Variants in FGF12 observed in about 807,000 individuals in gnomAD.
The protein encoded by FGF12 is fibroblast growth factor 12.
In FGF12, 14 loss-of-function variants were observed where a neutral mutation model predicts 23.6. The observed-to-expected ratio is 0.59, with a 90% confidence interval of 0.39 to 0.93. The LOEUF is 0.93. FGF12 is among the 40% of genes least tolerant of loss of function. The probability of loss-of-function intolerance (pLI) is 0.00; values close to 1 mark genes in which losing one functional copy is unlikely to be tolerated. For missense variants in FGF12, 175 were observed against 217.8 expected (o/e 0.80, Z 1.24); for synonymous variants, 62 against 77.3 (o/e 0.80, Z 1.04).
At chr3:192,205,405 G>T (rs1356646125) in intron 4 of FGF12, among the ~76,000 whole-genome samples, 1 of 152,122 alleles carries the variant, frequency 6.6e-6, no homozygotes, top group Non-Finnish European at 1.5e-5. Flanking sequence ...GGTTTTCTTG[G>T]ACCTAGGTCT....
chr3:192,691,000 T>A lies in FGF12; in HGVS notation c.13+36181A>T, dbSNP rs1031940688. Among the ~76,000 whole-genome samples the A allele has an allele frequency of 4.6e-5, 7 of 152,154 alleles. No homozygotes were observed. The East Asian group carries it at 1.2e-3, about 25-fold the overall frequency. On this transcript the variant is annotated intron_variant, in intron 2 of 5. Coordinates refer to ENST00000445105, the MANE Select transcript of FGF12 (RefSeq NM_004113.6). ...CAAGAGTCTACCACAATGATAAATA[T>A]ATAGGTATCCAACATAAGAACACCA...
rs116808840 is a variant in FGF12 at position 192,489,378 on chromosome 3, C to T, written c.14-128840G>A. The stretch of plus-strand genomic sequence containing the variant: ...ACCCATGCCCCTAATTCATTCTTCA[C>T]TCCAATGCCGTCATTGCTATAGAAG... On this transcript the variant is annotated intron_variant, in intron 2 of 5. Transcript: ENST00000445105. Among the ~76,000 whole-genome samples the T allele has an allele frequency of 5.8e-4, 88 of 152,112 alleles. 1 individual carries two copies. The highest frequency in any genetic ancestry group is 2.0e-3 in the African/African-American group (84 of 41,518).
At chr3:192,225,817 C>T (rs1408051077) in intron 4 of FGF12, among the ~76,000 whole-genome samples, 3 of 152,082 alleles carry the variant, frequency 2.0e-5, no homozygotes, top group Admixed American at 1.3e-4. Flanking sequence ...CATGGATGAA[C>T]CTTGAAAACA....
chr3:192,415,732 TCACACACACACACACACA>T (rs572589902), intron 2 of FGF12, among the ~76,000 whole-genome samples: 2 of 117,948 alleles, frequency 1.7e-5, no homozygotes, highest in African/African-American at 3.2e-5. Flanking sequence ...TCTCTCTCTC[TCACACACACACACACACA>T]CACACACACA....
intron 2 of FGF12, among the ~76,000 whole-genome samples, chr3:192,506,721 G>A (rs1724313540): frequency 1.3e-5 from 2 of 152,038 alleles, no homozygotes; most frequent in South Asian, 4.2e-4. Context: ...ACCCTTGCCT[G>A]GGATGGCTTT....
In FGF12 at chr3:192,409,768, C is replaced by T. The variant is rs538703728; in HGVS notation, c.14-49230G>A. Among the ~76,000 whole-genome samples, 3 of 152,046 alleles carry T rather than the reference C, an allele frequency of 2.0e-5. No individual in the cohort carries two copies. The highest frequency in any genetic ancestry group is 7.2e-5 in the African/African-American group (3 of 41,434). ...TCCTGGGGCTACCTCGCGAGGCAGC[C>T]GAGGGCGCAACCCGGGCGCTTGGGG... On this transcript the variant is annotated intron_variant, in intron 2 of 5. Transcript: ENST00000445105. The surrounding 1 kb of genome is among the most constrained non-coding windows in gnomAD (Gnocchi z 4.8).
intron 2 of FGF12, among the ~76,000 whole-genome samples, chr3:192,410,737 G>T (rs1721173321): frequency 6.6e-6 from 1 of 152,170 alleles, no homozygotes; most frequent in Admixed American, 6.5e-5. Context: ...TAAGCAGCCT[G>T]CACAGAGGAT....
chr3:192,557,593 GACAA>G (rs1412243340), intron 2 of FGF12, among the ~76,000 whole-genome samples: 6 of 151,906 alleles, frequency 3.9e-5, no homozygotes, highest in South Asian at 2.1e-4. Context: ...TGATAGCAAA[GACAA>G]ACAAAGACAC....
chr3:192,387,769 C>T (rs1427083990), intron 2 of FGF12, among the ~76,000 whole-genome samples: 1 of 151,630 alleles, frequency 6.6e-6, no homozygotes, highest in Non-Finnish European at 1.5e-5. Flanking sequence ...TGCCTGTGGT[C>T]CCAGCTACTC....
intron 2 of FGF12, among the ~76,000 whole-genome samples, chr3:192,445,471 G>A (rs1722325595): frequency 6.6e-6 from 1 of 152,194 alleles, no homozygotes; most frequent in Non-Finnish European, 1.5e-5. Context: ...GCTTCCTAGA[G>A]CATCTCATCT....
Position 192,514,664 on chromosome 3 carries a change from C to G in FGF12, c.14-154126G>C. 1.0e-6 allele frequency: 1 copy of G among 983,676 alleles called. No individual in the cohort carries two copies. The highest frequency in any genetic ancestry group is 1.2e-6 in the Non-Finnish European group (1 of 828,310). The allele number at this position is 983,676 out of a possible 1,614,324, so 60.9% of individuals were successfully genotyped here. A position where few individuals can be genotyped will look rare whatever the true frequency, so the allele number is the denominator to read the frequency against. ...GGGGGCTGGGGAAAGAACATTTTCT[C>G]ACCACTTGGGCTGTCGCTGGACCTC... is the stretch of plus-strand genomic sequence containing the variant. On this transcript the variant is annotated intron_variant, in intron 2 of 5. Transcript: ENST00000445105. The surrounding 1 kb of genome is among the most constrained non-coding windows in gnomAD (Gnocchi z 4.9).
At chr3:192,231,295 T>A (rs560140280) in intron 4 of FGF12, among the ~76,000 whole-genome samples, 10 of 152,066 alleles carry the variant, frequency 6.6e-5, no homozygotes, top group South Asian at 2.1e-4. Context: ...CCTTTTTTTT[T>A]ACTAAGCTAA....
intron 5 of FGF12, among the ~76,000 whole-genome samples, chr3:192,146,196 A>G (rs1713695337): frequency 6.6e-6 from 1 of 152,034 alleles, no homozygotes. Context: ...AAAATAATAT[A>G]TTTTGACCTG....
chr3:192,143,365 TA>T lies in FGF12; in HGVS notation c.*643del, dbSNP rs1193088395. 6.6e-6 allele frequency: 1 copy of T among 152,168 alleles called. No individual in the cohort carries two copies. Among genetic ancestry groups the T allele is most frequent in the Non-Finnish European group, 1.5e-5 (1 of 67,996 alleles). The allele number at this position is 152,168 out of a possible 1,614,324, so 9.4% of individuals were successfully genotyped here. On this transcript the variant is annotated 3_prime_UTR_variant, in exon 6 of 6. Coordinates refer to ENST00000445105, the MANE Select transcript of FGF12 (RefSeq NM_004113.6). ...TCGATGCCATACAAGATTTTCCTTT[TA>T]CATAAAACAATCTTAAATTACATCT... is the stretch of plus-strand genomic sequence containing the variant.
chr3:192,156,740 A>G (rs1331481712), intron 5 of FGF12, among the ~76,000 whole-genome samples: 4 of 152,196 alleles, frequency 2.6e-5, no homozygotes, highest in Non-Finnish European at 4.4e-5. Flanking sequence ...CTGAGATAAA[A>G]TATCATTGCT....
intron 2 of FGF12, among the ~76,000 whole-genome samples, chr3:192,489,663 T>C (rs941331622): frequency 2.6e-5 from 4 of 152,062 alleles, no homozygotes; most frequent in African/African-American, 9.7e-5. Flanking sequence ...CAGGCATCAC[T>C]CTGCCACCCT....
chr3:192,696,222 A>AT lies in FGF12; in HGVS notation c.13+30958dup, dbSNP rs553550983. 1.5e-4 allele frequency among the ~76,000 whole-genome samples: 23 copies of AT among 151,216 alleles called. No homozygotes were observed. In the South Asian group the frequency reaches 4.8e-3, roughly 31 times the overall value. The stretch of plus-strand genomic sequence containing the variant: ...GAAAACCCCATTTGTACCCACCAGT[A>AT]TGTTCCAGCTGCATGATCTCTGTTG... On this transcript the variant is annotated intron_variant, in intron 2 of 5. Transcript: ENST00000445105.
chr3:192,230,964 C>G (rs1170890017), intron 4 of FGF12, among the ~76,000 whole-genome samples: 1 of 152,060 alleles, frequency 6.6e-6, no homozygotes, highest in East Asian at 1.9e-4. Flanking sequence ...TAATGATGAC[C>G]TACTTAAGAA....
At chr3:192,401,135 A>G (rs1318710317) in intron 2 of FGF12, among the ~76,000 whole-genome samples, 2 of 152,260 alleles carry the variant, frequency 1.3e-5, no homozygotes, top group Non-Finnish European at 2.9e-5. Flanking sequence ...AATAAAACTT[A>G]TCTTTATTTT....
Sources: allele counts gnomAD v4.1 joint callset (sites outside exome capture counted in the v4.1 genomes callset), GRCh38; gene constraint gnomAD v4.1.1; non-coding constraint Gnocchi (gnomAD v3.1); transcripts MANE v1.5; gene names NCBI Gene and HGNC (gene_info 2026-07-23, HGNC 2026-07-21).